OR5V1: variants seen among roughly 807,000 people sequenced by gnomAD.
The protein encoded by OR5V1 is olfactory receptor 5V1.
For synonymous variants in OR5V1, 134 were observed against 143.2 expected (o/e 0.94, Z 0.46); for missense variants, 365 against 371.5 (o/e 0.98, Z 0.14).
At chr6:29,365,874 A>C (rs1778828020) in intron 1 of OR5V1, among the ~76,000 whole-genome samples, 1 of 152,222 alleles carries the variant, frequency 6.6e-6, no homozygotes, top group Non-Finnish European at 1.5e-5. Flanking sequence ...TTGTGGCATT[A>C]TTTAAAGTAG....
rs1778137329 is a variant in OR5V1, at chr6:29,354,113, A to G, written c.*1117T>C. ...TGGGAAGAAAAAGAAGACGGTCCTG[A>G]GAGAATAGTGAAGAAAGACACTAGA... On this transcript the variant is annotated 3_prime_UTR_variant, in exon 2 of 2. Transcript: ENST00000641768. 6.6e-6 allele frequency: 1 copy of G among 152,166 alleles called. No individual in the cohort carries two copies. The highest frequency in any genetic ancestry group is 1.5e-5 in the Non-Finnish European group (1 of 67,984). The allele number at this position is 152,166 out of a possible 1,614,324, so 9.4% of individuals were successfully genotyped here.
At chr6:29,356,664 T>C (rs1778325271) in intron 1 of OR5V1, among the ~76,000 whole-genome samples, 1 of 152,148 alleles carries the variant, frequency 6.6e-6, no homozygotes, top group Non-Finnish European at 1.5e-5. Context: ...TTTTATATTC[T>C]TTTCCGATTA....
At chr6:29,363,711 A>C (rs1474021568) in intron 1 of OR5V1, among the ~76,000 whole-genome samples, 11 of 152,186 alleles carry the variant, frequency 7.2e-5, no homozygotes, top group Non-Finnish European at 1.5e-4. Flanking sequence ...TGATTATCTC[A>C]ATAGATGCAG....
At chr6:29,359,201 A>C (rs1316826681) in intron 1 of OR5V1, among the ~76,000 whole-genome samples, 3 of 152,224 alleles carry the variant, frequency 2.0e-5, no homozygotes, top group Non-Finnish European at 4.4e-5. Flanking sequence ...TTAAATGCTT[A>C]TTATAACATA....
At position 29,356,201 on chromosome 6, in the gene OR5V1, C is replaced by T. The variant is rs374250981; in HGVS notation, c.-6G>A. The T allele has an allele frequency of 2.3e-5, 36 of 1,548,878 alleles. No individual in the cohort carries two copies. The highest frequency in any genetic ancestry group is 1.7e-4 in the Middle Eastern group (1 of 5,740). The stretch of plus-strand genomic sequence containing the variant: ...GTTTGATTCTTTCTTTCCATGATGT[C>T]GCCTGGTTTCCTTTCAGGAATTGGG... On this transcript the variant is annotated 5_prime_UTR_variant, in exon 2 of 2. Transcript: ENST00000641768.
rs142751820 is a variant in OR5V1 at position 29,355,759 on chromosome 6, G to A, written c.437C>T (p.Ala146Val). 6.3e-5 allele frequency: 102 copies of A among 1,613,916 alleles called. No individual in the cohort carries two copies. Among genetic ancestry groups the A allele is most frequent in the African/African-American group, 2.7e-4 (20 of 74,912 alleles). ...AAGGAAACCAGCAGCCCAGCATGAG[G>A]CTGCTAATTGATTGCATAGAACCTT... is the stretch of plus-strand genomic sequence containing the variant. ...LSKVLCNQLA[A>V]SCWAAGFLNS... The change falls in exon 2 of 2, where the codon GCC (alanine) becomes GTC (valine). Residue 146 changes from alanine (A) to valine (V), a missense_variant. By Grantham distance (64) the Ala-to-Val change is moderately conservative. Transcript: ENST00000641768.
chr6:29,359,448 GA>G (rs1227516203), intron 1 of OR5V1, among the ~76,000 whole-genome samples: 2 of 152,170 alleles, frequency 1.3e-5, no homozygotes, highest in Non-Finnish European at 2.9e-5. Flanking sequence ...TTCCTGGATT[GA>G]ACAAGCAGAT....
chr6:29,364,595 G>A lies in OR5V1; in HGVS notation c.-83+4037C>T, dbSNP rs1425933192. On this transcript the variant is annotated intron_variant, in intron 1 of 1. Coordinates refer to ENST00000641768, the MANE Select transcript of OR5V1 (RefSeq NM_030876.6). ...GGGCGGATCACGAGGTCAGGAGATC[G>A]AGACCATCCCGGCTAAAACGGTGAA... Among the ~76,000 whole-genome samples, 3 of 68,866 alleles carry A rather than the reference G, an allele frequency of 4.4e-5. 1 individual carries two copies. Among genetic ancestry groups the A allele is most frequent in the Admixed American group, 1.7e-4 (1 of 5,884 alleles). The allele number at this position is 68,866 out of a possible 152,430, so 45.2% of individuals were successfully genotyped here. A position where few individuals can be genotyped will look rare whatever the true frequency, so the allele number is the denominator to read the frequency against.
At position 29,355,910 on chromosome 6, in the gene OR5V1, C is replaced by A. The variant is rs1218602103; in HGVS notation, c.286G>T (p.Gly96Trp). The A allele has an allele frequency of 6.2e-7, 1 of 1,614,048 alleles. No individual in the cohort carries two copies. The highest frequency in any genetic ancestry group is 2.2e-5 in the East Asian group (1 of 44,880). ...LSKKKSISYV[G>W]CVVQLFAFVF... ...AATGCAAAAAGTTGAACCACACACC[C>A]CACATAAGAAATGCTTTTTTTCTTT... The change falls in exon 2 of 2, where the codon GGG (glycine) becomes TGG (tryptophan). Residue 96 changes from glycine to tryptophan, a missense_variant. Gly to Trp is a radical substitution (Grantham distance 184, BLOSUM62 -2). Transcript: ENST00000641768.
intron 1 of OR5V1, among the ~76,000 whole-genome samples, chr6:29,359,584 TG>T (rs1778471679): frequency 6.6e-6 from 1 of 152,144 alleles, no homozygotes; most frequent in Admixed American, 6.5e-5. Context: ...AGAAGGCAGG[TG>T]ATTTCTGCAT....
rs1257044416 is a variant in OR5V1 at position 29,364,574 on chromosome 6, G to A, written c.-83+4058C>T. 1.1e-4 allele frequency among the ~76,000 whole-genome samples: 8 copies of A among 70,846 alleles called. 2 individuals carry two copies. The highest frequency in any genetic ancestry group is 9.9e-4 in the Admixed American group (6 of 6,058). 46.5% of individuals were successfully genotyped at this position (70,846 alleles called of 152,430 possible). The stretch of plus-strand genomic sequence containing the variant: ...AGCACTTTGGGAGGCCGAGGCGGGC[G>A]GATCACGAGGTCAGGAGATCGAGAC... On this transcript the variant is annotated intron_variant, in intron 1 of 1. Coordinates refer to ENST00000641768, the MANE Select transcript of OR5V1 (RefSeq NM_030876.6).
intron 1 of OR5V1, among the ~76,000 whole-genome samples, chr6:29,361,934 A>G (rs911824529): frequency 1.0e-5 from 1 of 100,470 alleles, no homozygotes; most frequent in Non-Finnish European, 2.0e-5. Context: ...CACTAACAAT[A>G]TTAATCTTAA....
intron 1 of OR5V1, among the ~76,000 whole-genome samples, chr6:29,361,123 T>A (rs1778545533): frequency 6.6e-6 from 1 of 151,992 alleles, no homozygotes. Context: ...TCATGAGAAC[T>A]TCATGAAGCA....
rs1042266177 is a variant in OR5V1 at position 29,354,001 on chromosome 6, A to G, written c.*1229T>C. 1 of 152,124 alleles carries G rather than the reference A, an allele frequency of 6.6e-6. No individual in the cohort carries two copies. The highest frequency in any genetic ancestry group is 6.6e-5 in the Admixed American group (1 of 15,258). The allele number at this position is 152,124 out of a possible 1,614,324, so 9.4% of individuals were successfully genotyped here. On this transcript the variant is annotated 3_prime_UTR_variant, in exon 2 of 2. Transcript: ENST00000641768. ...CATTAAACAGAATAGGAATGGAGAC[A>G]AGGCACTCCACTAGAACACTATGAC... is the stretch of plus-strand genomic sequence containing the variant.
Position 29,355,212 on chromosome 6 carries a change from T to C in OR5V1, c.*18A>G, listed in dbSNP as rs758001323. Reference sequence around the variant, plus strand: ...AAAAAGTTAATTTTGTAGTATAAGATTATTGAACCTGTGAGGTTCAATAAG... The same window carrying C: ...AAAAAGTTAATTTTGTAGTATAAGACTATTGAACCTGTGAGGTTCAATAAG... On this transcript the variant is annotated 3_prime_UTR_variant, in exon 2 of 2. Coordinates refer to ENST00000641768, the MANE Select transcript of OR5V1 (RefSeq NM_030876.6). The C allele has an allele frequency of 2.6e-6, 4 of 1,548,200 alleles. No homozygotes were observed. Among genetic ancestry groups the C allele is most frequent in the South Asian group, 1.3e-5 (1 of 78,264 alleles).
intron 1 of OR5V1, among the ~76,000 whole-genome samples, chr6:29,357,523 A>G (rs1778372390): frequency 1.3e-5 from 2 of 152,210 alleles, no homozygotes; most frequent in African/African-American, 2.4e-5. Context: ...GAATTATTTT[A>G]ACTGGTTACA....
chr6:29,363,925 A>G (rs1364380633), intron 1 of OR5V1, among the ~76,000 whole-genome samples: 2 of 152,190 alleles, frequency 1.3e-5, no homozygotes, highest in Non-Finnish European at 2.9e-5. Context: ...TATTCCACAT[A>G]GTATTGGAAG....
intron 1 of OR5V1, among the ~76,000 whole-genome samples, chr6:29,360,848 C>T (rs1778534017): frequency 1.3e-5 from 2 of 152,098 alleles, no homozygotes; most frequent in African/African-American, 4.8e-5. Flanking sequence ...CTGAAAATTC[C>T]AAAAACATTC....
intron 1 of OR5V1, among the ~76,000 whole-genome samples, chr6:29,365,619 A>G (rs1778814681): frequency 6.6e-6 from 1 of 152,240 alleles, no homozygotes; most frequent in African/African-American, 2.4e-5. Context: ...ATCTCACGCC[A>G]GTTTGAATGG....
Sources: gnomAD v4.1 joint callset for allele counts (sites outside exome capture counted in the v4.1 genomes callset) on GRCh38, gnomAD v4.1.1 for gene constraint, MANE v1.5 for transcripts, NCBI Gene and HGNC (gene_info 2026-07-23, HGNC 2026-07-21) for gene names.